Variants in MCPH1 observed in about 807,000 individuals in gnomAD.
MCPH1 encodes the protein microcephalin 1.
A neutral mutation model predicts 84.5 loss-of-function variants in MCPH1; 104 were observed. The ratio of observed to expected loss-of-function variants is 1.23; its 90% CI spans 1.05 to 1.45. MCPH1 has a LOEUF of 1.45. Ranked by LOEUF, MCPH1 falls within the 40% of genes most tolerant of loss-of-function variation. The pLI, the probability that MCPH1 is intolerant of heterozygous loss-of-function variation, is 0.00. For synonymous variants in MCPH1, 514 were observed against 366.8 expected, an observed-to-expected ratio of 1.40 and a Z score of -4.58; for missense variants, 1,498 against 1,005.7, an observed-to-expected ratio of 1.49 and a Z score of -6.62.
chr8:6,537,359 C>A (rs988704626), intron 12 of MCPH1, among the ~76,000 whole-genome samples: 2 of 152,074 alleles, frequency 1.3e-5, no homozygotes, highest in East Asian at 3.9e-4. Context: ...TTGGGCTGTT[C>A]TTCCTTTCTC....
At chr8:6,599,990 T>C (rs1040774556) in intron 12 of MCPH1, among the ~76,000 whole-genome samples, 6 of 152,248 alleles carry the variant, frequency 3.9e-5, no homozygotes, top group African/African-American at 1.4e-4. Context: ...GTACTGTGGT[T>C]TTCTTTCTCT....
intron 12 of MCPH1, among the ~76,000 whole-genome samples, chr8:6,562,234 C>T (rs901719160): frequency 4.6e-5 from 7 of 152,174 alleles, no homozygotes; most frequent in Admixed American, 1.3e-4. Flanking sequence ...CTCTGGCTCA[C>T]GGGCTGCTGC....
intron 12 of MCPH1, chr8:6,521,111 T>C: frequency 1.5e-6 from 2 of 1,291,832 alleles, no homozygotes; most frequent in Non-Finnish European, 2.2e-6. Flanking sequence ...GAGAATTTTT[T>C]AGTCTTTTGA....
chr8:6,525,126 C>T (rs960187778), intron 12 of MCPH1, among the ~76,000 whole-genome samples: 4 of 152,210 alleles, frequency 2.6e-5, no homozygotes, highest in Non-Finnish European at 5.9e-5. Context: ...ACCCTGCAAA[C>T]AATATTAACC....
intron 3 of MCPH1, among the ~76,000 whole-genome samples, chr8:6,430,123 T>C (rs959571340): frequency 6.6e-6 from 1 of 152,232 alleles, no homozygotes; most frequent in Non-Finnish European, 1.5e-5. Context: ...AGTCTGGTGA[T>C]CATCTCTGAC....
At chr8:6,632,695 G>A (rs1453241091) in intron 13 of MCPH1, among the ~76,000 whole-genome samples, 5 of 152,230 alleles carry the variant, frequency 3.3e-5, no homozygotes, top group Non-Finnish European at 7.4e-5. Flanking sequence ...TGTAGTCCCA[G>A]CTACTCGGGA....
At chr8:6,493,845 G>A (rs1438038337) in intron 11 of MCPH1, among the ~76,000 whole-genome samples, 4 of 152,186 alleles carry the variant, frequency 2.6e-5, no homozygotes, top group African/African-American at 4.8e-5. Context: ...TTTACACATC[G>A]TCAAGCTGTT....
In MCPH1 at chr8:6,454,703, C is replaced by G. The variant is rs140254129; in HGVS notation, c.1826-440C>G. Among the ~76,000 whole-genome samples, 184 of 152,208 alleles carry G rather than the reference C, an allele frequency of 1.2e-3. 3 individuals carry two copies. In the East Asian group the frequency reaches 0.029, roughly 24 times the overall value. ...ATCATCCATCATTTGTAGGTTGAAG[C>G]CTGAAGCTCTGTACTGAAGACTATT... On this transcript the variant is annotated intron_variant, in intron 8 of 13. Transcript: ENST00000344683.
At position 6,414,780 on chromosome 8, in the gene MCPH1, A is replaced by G; in HGVS notation, c.130A>G (p.Asn44Asp). The change falls in exon 3 of 14, where the codon AAC becomes GAC. Residue 44 changes from asparagine to aspartate, a missense_variant. By Grantham distance (23) the Asn-to-Asp change is conservative (BLOSUM62 1). Transcript: ENST00000344683. ...TTGTCTACAGGTTTCAAAAACTTTT[A>G]ACAAACAAGTAACTCACGTTATCTT... ...DMGAKVSKTF[N>D]KQVTHVIFKD... is the part of the protein sequence containing the mutation. 6.2e-7 allele frequency: 1 copy of G among 1,613,840 alleles called. No homozygotes were observed. The highest frequency in any genetic ancestry group is 8.5e-7 in the Non-Finnish European group (1 of 1,179,850).
At chr8:6,407,282 G>T (rs889103447) in intron 1 of MCPH1, 5 of 161,742 alleles carry the variant, frequency 3.1e-5, no homozygotes, top group South Asian at 1.7e-4. Flanking sequence ...GAGTCTTTGT[G>T]TGCCAGGCGC....
chr8:6,595,269 A>T (rs1828831589), intron 12 of MCPH1, among the ~76,000 whole-genome samples: 2 of 152,328 alleles, frequency 1.3e-5, no homozygotes, highest in South Asian at 4.1e-4. Flanking sequence ...CAGAGGAGAC[A>T]CACAGGAATG....
At chr8:6,442,753 GC>G (rs1563214217) in intron 7 of MCPH1, among the ~76,000 whole-genome samples, 1 of 152,190 alleles carries the variant, frequency 6.6e-6, no homozygotes, top group African/African-American at 2.4e-5. Context: ...CCCCAGTGGG[GC>G]TCAAGTAAGT....
intron 12 of MCPH1, among the ~76,000 whole-genome samples, chr8:6,558,548 A>G (rs977329931): frequency 1.3e-5 from 2 of 152,348 alleles, no homozygotes; most frequent in African/African-American, 4.8e-5. Context: ...TAACTGGCTT[A>G]CAGATAAACT....
intron 8 of MCPH1, among the ~76,000 whole-genome samples, chr8:6,454,390 A>G (rs1404776374): frequency 1.3e-5 from 2 of 152,272 alleles, no homozygotes; most frequent in East Asian, 3.9e-4. Context: ...GCATTATACC[A>G]TTGAGACCAT....
At chr8:6,473,979 G>A (rs1585982103) in intron 9 of MCPH1, 1 of 1,096,206 alleles carries the variant, frequency 9.1e-7, no homozygotes, top group Non-Finnish European at 1.4e-6. Context: ...TCTTCATAAA[G>A]AACTTGGAAA....
At chr8:6,435,034 G>C (rs1028270421) in intron 4 of MCPH1, among the ~76,000 whole-genome samples, 2 of 152,156 alleles carry the variant, frequency 1.3e-5, no homozygotes, top group African/African-American at 2.4e-5. Flanking sequence ...TCCCCTGTCT[G>C]AGGATGGTTA....
chr8:6,557,001 C>G (rs1346841903), intron 12 of MCPH1, among the ~76,000 whole-genome samples: 1 of 152,096 alleles, frequency 6.6e-6, no homozygotes, highest in Non-Finnish European at 1.5e-5. Flanking sequence ...ACTTGCATGG[C>G]TCCTGCCCCA....
intron 11 of MCPH1, among the ~76,000 whole-genome samples, chr8:6,486,995 C>A (rs2979664): frequency 6.6e-6 from 1 of 152,062 alleles, no homozygotes; most frequent in African/African-American, 2.4e-5. Flanking sequence ...GCAGAGTGTC[C>A]TGTGATTCAG....
At chr8:6,425,954 C>T (rs1210576388) in intron 3 of MCPH1, among the ~76,000 whole-genome samples, 1 of 152,138 alleles carries the variant, frequency 6.6e-6, no homozygotes, top group Non-Finnish European at 1.5e-5. Context: ...TTTGCTGTTC[C>T]CTTAGGCATA....
Sources: gnomAD v4.1 joint callset for allele counts (sites outside exome capture counted in the v4.1 genomes callset) on GRCh38, gnomAD v4.1.1 for gene constraint, MANE v1.5 for transcripts, NCBI Gene and HGNC (gene_info 2026-07-23, HGNC 2026-07-21) for gene names.